The following CNTN1 variants were observed in gnomAD, a reference collection of about 807,000 sequenced individuals.
CNTN1 encodes contactin 1, also known as contactin-1.
CNTN1 carries 38 observed loss-of-function variants against 126.4 expected under a neutral mutation model. The ratio of observed to expected loss-of-function variants is 0.30; its 90% CI spans 0.23 to 0.39. The LOEUF (loss-of-function observed/expected upper bound fraction) is 0.39. Among genes scored for constraint, CNTN1 ranks in the 10% least tolerant of loss-of-function variants. The pLI is 1.00. For missense variants in CNTN1, 1,009 were observed against 1,248.4 expected (o/e 0.81, Z 2.89); for synonymous variants, 413 against 422.6 (o/e 0.98, Z 0.28).
intron 16 of CNTN1, among the ~76,000 whole-genome samples, chr12:40,986,803 A>G (rs531504254): frequency 1.3e-5 from 2 of 152,254 alleles, no homozygotes; most frequent in Admixed American, 6.5e-5. Context: ...TTGAGTACAC[A>G]TGATGAAGGC....
chr12:40,924,322 T>G (rs1047153662), intron 5 of CNTN1, among the ~76,000 whole-genome samples: 7 of 152,284 alleles, frequency 4.6e-5, no homozygotes, highest in Non-Finnish European at 8.8e-5. Flanking sequence ...GTCAGAATTC[T>G]TATGCAGGCT....
intron 7 of CNTN1, among the ~76,000 whole-genome samples, chr12:40,932,957 GCTGTGTTGT>G (rs200750866): frequency 0.033 from 5,039 of 151,910 alleles, 109 homozygotes; most frequent in Middle Eastern, 0.11. Flanking sequence ...TTTGAAGAGT[GCTGTGTTGT>G]CTGAGTAAAT....
chr12:41,041,356 G>A (rs1258586153), intron 23 of CNTN1, among the ~76,000 whole-genome samples: 1 of 152,174 alleles, frequency 6.6e-6, no homozygotes, highest in Non-Finnish European at 1.5e-5. Context: ...TGTTCATCAA[G>A]GATATTGGTC....
At chr12:40,995,835 C>G (rs1948199560) in intron 17 of CNTN1, among the ~76,000 whole-genome samples, 1 of 152,176 alleles carries the variant, frequency 6.6e-6, no homozygotes, top group South Asian at 2.1e-4. Flanking sequence ...AAACTCATTA[C>G]TATAGTTTAC....
chr12:40,959,031 G>GA (rs767403889), intron 14 of CNTN1, 83 bp from the exon 15 acceptor site: 34 of 1,570,506 alleles, frequency 2.2e-5, no homozygotes, highest in East Asian at 4.6e-5. Flanking sequence ...TTTGTTAGGG[G>GA]AAAAAACTAC....
chr12:40,975,454 G>A (rs1947648154), intron 15 of CNTN1, among the ~76,000 whole-genome samples: 1 of 151,798 alleles, frequency 6.6e-6, no homozygotes, highest in Admixed American at 6.6e-5. Flanking sequence ...ACAGAAACAG[G>A]TCTCAGTAGC....
At chr12:40,704,063 G>C (rs1042079274) in intron 1 of CNTN1, among the ~76,000 whole-genome samples, 1 of 152,000 alleles carries the variant, frequency 6.6e-6, no homozygotes. Context: ...AAAGAAATAT[G>C]GTATAGTATA....
At chr12:40,791,988 G>A (rs184794419) in intron 1 of CNTN1, among the ~76,000 whole-genome samples, 1 of 152,176 alleles carries the variant, frequency 6.6e-6, no homozygotes, top group East Asian at 1.9e-4. Context: ...AGAACACAAT[G>A]TTGTTCTATT....
At chr12:40,782,117 A>G (rs1340469330) in intron 1 of CNTN1, among the ~76,000 whole-genome samples, 1 of 151,918 alleles carries the variant, frequency 6.6e-6, no homozygotes, top group Non-Finnish European at 1.5e-5. Context: ...CCTATTACCT[A>G]TCTATCAATA....
chr12:40,993,952 T>A (rs1179225921), intron 17 of CNTN1, among the ~76,000 whole-genome samples: 1 of 152,082 alleles, frequency 6.6e-6, no homozygotes, highest in East Asian at 1.9e-4. Flanking sequence ...CTAGATATGA[T>A]CTTAAGTATA....
rs557595187 is a variant in CNTN1, at chr12:40,981,371, C to T, written c.1963+304C>T. Among the ~76,000 whole-genome samples the T allele has an allele frequency of 5.9e-5, 9 of 152,098 alleles. No homozygotes were observed. In the East Asian group the frequency reaches 7.7e-4, roughly 13 times the overall value. ...GTGAGATTTACTGCCCCAAAATCATCGGGAAGTCTATTTTTGAGCAAATAG... is the reference window on the plus strand; with the variant it reads ...GTGAGATTTACTGCCCCAAAATCATTGGGAAGTCTATTTTTGAGCAAATAG... On this transcript the variant is annotated intron_variant, in intron 16 of 23. Transcript: ENST00000551295.
intron 7 of CNTN1, among the ~76,000 whole-genome samples, chr12:40,932,248 T>A (rs1945912626): frequency 6.6e-6 from 1 of 151,896 alleles, no homozygotes; most frequent in South Asian, 2.1e-4. Flanking sequence ...TGGGGGGCTG[T>A]CTCCCCCATA....
At chr12:40,723,996 A>G (rs1323897800) in intron 1 of CNTN1, among the ~76,000 whole-genome samples, 15 of 152,160 alleles carry the variant, frequency 9.9e-5, no homozygotes, top group Admixed American at 9.8e-4. Flanking sequence ...TACAAATTAT[A>G]TTCTGCCTTG....
intron 1 of CNTN1, among the ~76,000 whole-genome samples, chr12:40,834,203 A>G (rs182176219): frequency 1.1e-4 from 16 of 152,346 alleles, no homozygotes; most frequent in Middle Eastern, 3.4e-3. Flanking sequence ...GCACTCCATT[A>G]TTTTAAAACA....
chr12:40,712,509 C>CT (rs1941944605), intron 1 of CNTN1, among the ~76,000 whole-genome samples: 1 of 152,032 alleles, frequency 6.6e-6, no homozygotes, highest in Non-Finnish European at 1.5e-5. Context: ...AGCACATATG[C>CT]TAGGAACCTG....
At chr12:40,861,541 A>G (rs1037127143) in intron 1 of CNTN1, among the ~76,000 whole-genome samples, 6 of 151,898 alleles carry the variant, frequency 4.0e-5, no homozygotes, top group Admixed American at 3.3e-4. Context: ...GCCAGAGATT[A>G]TTTAGGAATG....
intron 23 of CNTN1, among the ~76,000 whole-genome samples, 156 bp downstream of exon 23, chr12:41,029,375 C>T (rs1949096434): frequency 6.6e-6 from 1 of 152,144 alleles, no homozygotes; most frequent in Non-Finnish European, 1.5e-5. Context: ...GGTATTTCTC[C>T]TCTTATGAGT....
intron 17 of CNTN1, among the ~76,000 whole-genome samples, chr12:41,002,554 CTTTCTTT>C (rs1948388408): frequency 1.5e-5 from 2 of 131,514 alleles, no homozygotes. Flanking sequence ...TATAGGGTTT[CTTTCTTT>C]TTTTTTTTTT....
intron 1 of CNTN1, among the ~76,000 whole-genome samples, chr12:40,737,589 T>C (rs947637109): frequency 6.6e-6 from 1 of 151,636 alleles, no homozygotes; most frequent in Non-Finnish European, 1.5e-5. Context: ...CTGCTTTATA[T>C]TCGCCGGCAG....
Sources: gnomAD v4.1 joint callset for allele counts (sites outside exome capture counted in the v4.1 genomes callset) on GRCh38, gnomAD v4.1.1 for gene constraint, MANE v1.5 for transcripts, NCBI Gene and HGNC (gene_info 2026-07-23, HGNC 2026-07-21) for gene names.